Variants in DDX39A observed in about 807,000 individuals in gnomAD.
DDX39A encodes the protein ATP-dependent RNA helicase DDX39A.
Under a neutral mutation model 46.3 loss-of-function variants are expected in DDX39A, and 13 were observed. The observed-to-expected ratio is 0.28, with a 90% CI of 0.18 to 0.45. DDX39A has a LOEUF of 0.45. Among genes scored for constraint, DDX39A ranks in the 20% least tolerant of loss-of-function variants. DDX39A has a pLI of 1.00. For missense variants in DDX39A, 352 were observed against 581.8 expected, an observed-to-expected ratio of 0.61 and a Z score of 4.06; for synonymous variants, 234 against 224.6, an observed-to-expected ratio of 1.04 and a Z score of -0.38.
At chr19:14,417,030 T>C (rs1352964754) in intron 1 of DDX39A, among the ~76,000 whole-genome samples, 2 of 152,100 alleles carry the variant, frequency 1.3e-5, no homozygotes, top group Non-Finnish European at 2.9e-5. Flanking sequence ...GCTAATTAGA[T>C]TGGAGCTGAG....
rs1284436071 is a variant in DDX39A, at chr19:14,412,777, G to A, written c.209-99C>T. The A allele has an allele frequency of 5.4e-6, 8 of 1,494,114 alleles. No individual in the cohort carries two copies. The Admixed American group carries it at 1.2e-4, about 22-fold the overall frequency. The allele number at this position is 1,494,114 out of a possible 1,614,324, so 92.6% of individuals were successfully genotyped here. The stretch of plus-strand genomic sequence containing the variant: ...GGGCCCACAGTGAGGGCAATCAGAA[G>A]AGGCCGAGTCCGGACAAGGCCACAG... On this transcript the variant is annotated intron_variant, in intron 2 of 10. Coordinates refer to ENST00000242776, the MANE Select transcript of DDX39A (RefSeq NM_005804.4). The surrounding 1 kb of genome is among the most constrained non-coding windows in gnomAD (Gnocchi z 4.4).
At chr19:14,416,772 G>A (rs1171743783) in intron 1 of DDX39A, among the ~76,000 whole-genome samples, 3 of 152,034 alleles carry the variant, frequency 2.0e-5, no homozygotes, top group Admixed American at 1.3e-4. Flanking sequence ...CTGGAGCCTC[G>A]ACCTCCCAGG....
At chr19:14,414,364 ATTATTATTG>A (rs1976720192) in intron 1 of DDX39A, among the ~76,000 whole-genome samples, 2 of 141,866 alleles carry the variant, frequency 1.4e-5, no homozygotes, top group Admixed American at 1.4e-4. Flanking sequence ...TATTATTATT[ATTATTATTG>A]AGATGAAGTC....
In DDX39A at chr19:14,411,248, G is replaced by A. The variant is rs922607811; in HGVS notation, c.430-76C>T. The A allele has an allele frequency of 3.1e-5, 46 of 1,478,920 alleles. No homozygotes were observed. The Middle Eastern group carries it at 1.1e-3, about 34-fold the overall frequency. 91.6% of individuals were successfully genotyped at this position (1,478,920 alleles called of 1,614,324 possible). ...CCAACCTGCACGGCCCAGCACCTGCGAACAGGAGGCCTCAGGGGACCAAGG... is the reference window on the plus strand; with the variant it reads ...CCAACCTGCACGGCCCAGCACCTGCAAACAGGAGGCCTCAGGGGACCAAGG... On this transcript the variant is annotated intron_variant, in intron 4 of 10. Transcript: ENST00000242776. The surrounding 1 kb of genome is among the most constrained non-coding windows in gnomAD (Gnocchi z 4.1).
At position 14,411,468 on chromosome 19, in the gene DDX39A, C is replaced by T; in HGVS notation, c.429+38G>A. 4 of 1,579,036 alleles carry T rather than the reference C, an allele frequency of 2.5e-6. No homozygotes were observed. Among genetic ancestry groups the T allele is most frequent in the Non-Finnish European group, 3.5e-6 (4 of 1,148,840 alleles). ...CCGAGGCTAACAAAGCTGCAGAAAC[C>T]AAGTGGCGCCTGGTCCAGTCTGGCC... is the stretch of plus-strand genomic sequence containing the variant. On this transcript the variant is annotated intron_variant, in intron 4 of 10. Coordinates refer to ENST00000242776, the MANE Select transcript of DDX39A (RefSeq NM_005804.4). This position sits in a 1 kb window ranked among gnomAD's most constrained non-coding sequence, Gnocchi z 4.1.
At position 14,410,576 on chromosome 19, in the gene DDX39A, C is replaced by T. The variant is rs1438172721; in HGVS notation, c.614-242G>A. The T allele has an allele frequency of 1.7e-5, 9 of 543,542 alleles. No homozygotes were observed. Among genetic ancestry groups the T allele is most frequent in the East Asian group, 3.2e-5 (1 of 31,414 alleles). The allele number at this position is 543,542 out of a possible 1,614,324, so 33.7% of individuals were successfully genotyped here. ...CTGGCGCGGAGCAGCCGTGCCCGTG[C>T]GCCTCGAGCCACGCTTCAGGGAGGG... is the stretch of plus-strand genomic sequence containing the variant. On this transcript the variant is annotated intron_variant, in intron 5 of 10. Coordinates refer to ENST00000242776, the MANE Select transcript of DDX39A (RefSeq NM_005804.4). The surrounding 1 kb of genome is among the most constrained non-coding windows in gnomAD (Gnocchi z 4.3).
chr19:14,418,074 T>C (rs1023066134), intron 1 of DDX39A, among the ~76,000 whole-genome samples: 4 of 127,604 alleles, frequency 3.1e-5, no homozygotes, highest in East Asian at 2.2e-4. Context: ...TGAGCCGAGA[T>C]AGTGTCACTG....
At position 14,413,185 on chromosome 19, in the gene DDX39A, A is replaced by G; in HGVS notation, c.36T>C (p.Asp12=). Residue 12 remains aspartate, a synonymous_variant, in exon 2 of 11, where the codon GAT becomes GAC. Coordinates refer to ENST00000242776, the MANE Select transcript of DDX39A (RefSeq NM_005804.4). Reference sequence around the variant, plus strand: ...CCTGGGGCTCTTCCTCTTCATCGTAATCCAAAAGATCGTTTTCCACATCCT... The same window carrying G: ...CCTGGGGCTCTTCCTCTTCATCGTAGTCCAAAAGATCGTTTTCCACATCCT... The part of the protein sequence containing the change: ...AEQDVENDLL[D]YDEEEEPQAP... 6.2e-7 allele frequency: 1 copy of G among 1,613,974 alleles called. No individual in the cohort carries two copies. The highest frequency in any genetic ancestry group is 8.5e-7 in the Non-Finnish European group (1 of 1,179,976).
chr19:14,411,515 G>C lies in DDX39A; in HGVS notation c.420C>G (p.Pro140=), dbSNP rs778003530. The C allele has an allele frequency of 1.5e-5, 25 of 1,614,002 alleles. No individual in the cohort carries two copies. The highest frequency in any genetic ancestry group is 4.4e-5 in the South Asian group (4 of 91,088). The change falls in exon 4 of 11, where the codon CCC becomes CCG. Residue 140 remains proline, a synonymous_variant. Transcript: ENST00000242776. This position sits in a 1 kb window ranked among gnomAD's most constrained non-coding sequence, Gnocchi z 4.1. The part of the protein sequence containing the change: ...KEYERFSKYM[P]SVKVSVFFGG... ...GGCCCGAGGGACTCACCTTGACGCT[G>C]GGCATGTACTTGGAAAAGCGCTCAT...
Position 14,410,005 on chromosome 19 carries a change from C to T in DDX39A, c.733-132G>A. The T allele has an allele frequency of 7.9e-7, 1 of 1,259,850 alleles. No homozygotes were observed. Among genetic ancestry groups the T allele is most frequent in the Non-Finnish European group, 1.1e-6 (1 of 871,234 alleles). The allele number at this position is 1,259,850 out of a possible 1,614,324, so 78.0% of individuals were successfully genotyped here. ...ACCTGCTGCACCAGACCTCAGTAAA[C>T]ATCGCTCAAAAGCTGGATGTAAGCT... On this transcript the variant is annotated intron_variant, in intron 6 of 10. Transcript: ENST00000242776. The surrounding 1 kb of genome is among the most constrained non-coding windows in gnomAD (Gnocchi z 4.3).
chr19:14,411,700 A>C lies in DDX39A; in HGVS notation c.337-102T>G. The C allele has an allele frequency of 9.8e-7, 1 of 1,025,294 alleles. No individual in the cohort carries two copies. The allele number at this position is 1,025,294 out of a possible 1,614,324, so 63.5% of individuals were successfully genotyped here. On this transcript the variant is annotated intron_variant, in intron 3 of 10. Coordinates refer to ENST00000242776, the MANE Select transcript of DDX39A (RefSeq NM_005804.4). The surrounding 1 kb of genome is among the most constrained non-coding windows in gnomAD (Gnocchi z 4.1). ...CAGTCCCCCTGACACTGCACCCAACATCACAGGCCATTTGAAGGCCCGGTC... is the reference window on the plus strand; with the variant it reads ...CAGTCCCCCTGACACTGCACCCAACCTCACAGGCCATTTGAAGGCCCGGTC...
Position 14,409,196 on chromosome 19 carries a change from C to A in DDX39A, c.1120-12G>T. The A allele has an allele frequency of 6.2e-7, 1 of 1,614,140 alleles. No homozygotes were observed. On this transcript the variant is annotated splice_polypyrimidine_tract_variant and intron_variant, in intron 9 of 10. Coordinates refer to ENST00000242776, the MANE Select transcript of DDX39A (RefSeq NM_005804.4). The surrounding 1 kb of genome is among the most constrained non-coding windows in gnomAD (Gnocchi z 8.3). Reference sequence around the variant, plus strand: ...CCCGCCCGGGCCACCTGCAGGCAGACAGGATCAGGGTCAGGCCACAGATAC... The same window carrying A: ...CCCGCCCGGGCCACCTGCAGGCAGAAAGGATCAGGGTCAGGCCACAGATAC...
chr19:14,418,774 C>T (rs767555741), intron 1 of DDX39A, among the ~76,000 whole-genome samples: 8 of 151,838 alleles, frequency 5.3e-5, no homozygotes, highest in African/African-American at 1.9e-4. Flanking sequence ...AAAATAAAGT[C>T]TTATTTGCTC....
chr19:14,412,874 G>C lies in DDX39A; in HGVS notation c.208+139C>G. ...ACTGCCGAGGGCAGCCACAGGCCCCGCTGGGCACAACTGATCCGCGGGACA... is the reference window on the plus strand; with the variant it reads ...ACTGCCGAGGGCAGCCACAGGCCCCCCTGGGCACAACTGATCCGCGGGACA... On this transcript the variant is annotated intron_variant, in intron 2 of 10. Coordinates refer to ENST00000242776, the MANE Select transcript of DDX39A (RefSeq NM_005804.4). This position sits in a 1 kb window ranked among gnomAD's most constrained non-coding sequence, Gnocchi z 4.4. 1 of 1,265,924 alleles carries C rather than the reference G, an allele frequency of 7.9e-7. No homozygotes were observed. The highest frequency in any genetic ancestry group is 1.1e-6 in the Non-Finnish European group (1 of 923,384). 78.4% of individuals were successfully genotyped at this position (1,265,924 alleles called of 1,614,324 possible). A position where few individuals can be genotyped will look rare whatever the true frequency, so the allele number is the denominator to read the frequency against.
intron 1 of DDX39A, chr19:14,416,530 C>T (rs2146394788): frequency 6.6e-6 from 1 of 152,432 alleles, no homozygotes; most frequent in Non-Finnish European, 1.5e-5. Context: ...CTGAAGGGGT[C>T]ACTTCCCAGG....
chr19:14,408,899 C>CGGGCGGCTCCGGGT lies in DDX39A; in HGVS notation c.*23_*36dup, dbSNP rs766154814. ...TGGAAAGGGGAGGTGAAGCTGCATGCGGGCGGCTCCGGGTGGGCGGCTCTG... is the reference window on the plus strand; with the variant it reads ...TGGAAAGGGGAGGTGAAGCTGCATGCGGGCGGCTCCGGGTGGGCGGCTCCGGGTGGGCGGCTCTG... On this transcript the variant is annotated 3_prime_UTR_variant, in exon 11 of 11. Transcript: ENST00000242776. 2.6e-6 allele frequency: 4 copies of CGGGCGGCTCCGGGT among 1,554,938 alleles called. No individual in the cohort carries two copies. Among genetic ancestry groups the CGGGCGGCTCCGGGT allele is most frequent in the Non-Finnish European group, 3.5e-6 (4 of 1,149,690 alleles).
At chr19:14,415,549 A>G (rs938038252) in intron 1 of DDX39A, among the ~76,000 whole-genome samples, 1 of 151,896 alleles carries the variant, frequency 6.6e-6, no homozygotes, top group Non-Finnish European at 1.5e-5. Flanking sequence ...CGCCCACCTC[A>G]GCCTTCCAAA....
chr19:14,417,389 C>T (rs1337871683), intron 1 of DDX39A, among the ~76,000 whole-genome samples: 1 of 149,916 alleles, frequency 6.7e-6, no homozygotes, highest in Non-Finnish European at 1.5e-5. Context: ...GAGAAGCCAG[C>T]GTGGGAGGAT....
chr19:14,409,274 GA>G lies in DDX39A; in HGVS notation c.1119+28del. On this transcript the variant is annotated intron_variant, in intron 9 of 10. Coordinates refer to ENST00000242776, the MANE Select transcript of DDX39A (RefSeq NM_005804.4). This position sits in a 1 kb window ranked among gnomAD's most constrained non-coding sequence, Gnocchi z 8.3. The stretch of plus-strand genomic sequence containing the variant: ...CTGGGGCCCCACCCCACCGCCAGGG[GA>G]AAGCAACATGCCCGTGAGGCTGCTC... 6.2e-7 allele frequency: 1 copy of G among 1,613,754 alleles called. No homozygotes were observed. The highest frequency in any genetic ancestry group is 8.5e-7 in the Non-Finnish European group (1 of 1,179,646).
Sources: allele counts gnomAD v4.1 joint callset (sites outside exome capture counted in the v4.1 genomes callset), GRCh38; gene constraint gnomAD v4.1.1; non-coding constraint Gnocchi (gnomAD v3.1); transcripts MANE v1.5; gene names NCBI Gene and HGNC (gene_info 2026-07-23, HGNC 2026-07-21).